The following HECTD4 variants were observed in gnomAD, a reference collection of about 807,000 sequenced individuals.
HECTD4 encodes HECT domain E3 ubiquitin protein ligase 4.
HECTD4 carries 114 observed loss-of-function variants against 471.5 expected under a neutral mutation model. That is an observed-to-expected ratio of 0.24 (90% CI 0.21 to 0.28). The LOEUF is 0.28. Among genes scored for constraint, HECTD4 ranks in the 10% least tolerant of loss-of-function variants. The pLI, the probability that HECTD4 is intolerant of heterozygous loss-of-function variation, is 1.00. For synonymous variants in HECTD4, 2,012 were observed against 2,256.0 expected, an observed-to-expected ratio of 0.89 and a Z score of 3.07; for missense variants, 3,866 against 5,651.5, an observed-to-expected ratio of 0.68 and a Z score of 10.13.
In HECTD4 at chr12:112,258,550, C is replaced by T. The variant is rs773710742; in HGVS notation, c.3074G>A (p.Gly1025Asp). The change falls in exon 20 of 76, where the codon GGC (glycine) becomes GAC (aspartate). Residue 1025 changes from glycine to aspartate, a missense_variant. Gly to Asp is a moderately conservative substitution (Grantham distance 94). Around this residue, in one of 16 missense-constraint regions of HECTD4, gnomAD observed 525 missense variants for 672.6 expected, o/e 0.78. Coordinates refer to ENST00000682272, the MANE Select transcript of HECTD4 (RefSeq NM_001388303.1). ...GTCTGGTGCACCACACGGGGAACAGCCCACCTCAGCAAAAACCGGACACTG... is the reference window on the plus strand; with the variant it reads ...GTCTGGTGCACCACACGGGGAACAGTCCACCTCAGCAAAAACCGGACACTG... ...KTQCPVFAEVGCSPCGAPDQK... is the reference protein window; with the variant it reads ...KTQCPVFAEVDCSPCGAPDQK... 3 of 1,605,782 alleles carry T rather than the reference C, an allele frequency of 1.9e-6. No homozygotes were observed. The highest frequency in any genetic ancestry group is 1.7e-5 in the Admixed American group (1 of 58,432).
chr12:112,364,399 T>C (rs2036518510), intron 1 of HECTD4, among the ~76,000 whole-genome samples: 1 of 143,228 alleles, frequency 7.0e-6, no homozygotes, highest in African/African-American at 2.6e-5. Flanking sequence ...AGAGCAAGAC[T>C]CTCTCTCTCA....
rs1374098746 is a variant in HECTD4 at position 112,190,962 on chromosome 12, A to G, written c.9296T>C (p.Val3099Ala). The G allele has an allele frequency of 6.4e-7, 1 of 1,552,626 alleles. No homozygotes were observed. Among genetic ancestry groups the G allele is most frequent in the Non-Finnish European group, 8.7e-7 (1 of 1,148,234 alleles). Residue 3099 changes from valine to alanine, a missense_variant, in exon 60 of 76, where the codon GTG becomes GCG. By Grantham distance (64) the Val-to-Ala change is moderately conservative (BLOSUM62 0). Coordinates refer to ENST00000682272, the MANE Select transcript of HECTD4 (RefSeq NM_001388303.1). ...STDRVHIKLG[V>A]SPPPGAVLVL... is the part of the protein sequence containing the mutation. ...CAGGACTGCTCCAGGAGGTGGAGAC[A>G]CCCCTGCAAGAAGCACCCAGGAAGA...
At chr12:112,216,232 T>C in intron 48 of HECTD4, 60 bp downstream of exon 48, 1 of 1,170,558 alleles carries the variant, frequency 8.5e-7, no homozygotes, top group Non-Finnish European at 1.2e-6. Context: ...TTAACCTGTT[T>C]AGACCCAAAC....
intron 66 of HECTD4, 70 bp from the exon 67 acceptor site, chr12:112,172,931 T>C: frequency 7.3e-7 from 1 of 1,364,282 alleles, no homozygotes; most frequent in Non-Finnish European, 1.0e-6. Flanking sequence ...TGCATTTCTC[T>C]TACAGAGCCC....
intron 28 of HECTD4, 33 bp downstream of exon 28, chr12:112,247,429 A>G: frequency 4.7e-6 from 5 of 1,066,948 alleles, no homozygotes; most frequent in Non-Finnish European, 6.8e-6. Context: ...CATCAAGGTG[A>G]TAATAGCCTT....
Position 112,298,366 on chromosome 12 carries a change from A to G in HECTD4, c.1335+7698T>C, listed in dbSNP as rs1482890668. Among the ~76,000 whole-genome samples the G allele has an allele frequency of 5.9e-5, 9 of 152,164 alleles. No individual in the cohort carries two copies. The East Asian group carries it at 1.5e-3, about 26-fold the overall frequency. The stretch of plus-strand genomic sequence containing the variant: ...TAGCCCCTTTTATTACACAGCAGGT[A>G]GTGAATACACACAGTGTTCTGAGCT... On this transcript the variant is annotated intron_variant, in intron 7 of 75. Coordinates refer to ENST00000682272, the MANE Select transcript of HECTD4 (RefSeq NM_001388303.1).
chr12:112,287,734 C>G (rs2034784680), intron 7 of HECTD4, among the ~76,000 whole-genome samples: 2 of 151,728 alleles, frequency 1.3e-5, no homozygotes, highest in African/African-American at 2.4e-5. Context: ...GAGTTAGAGA[C>G]CACAGTGAGA....
intron 60 of HECTD4, 62 bp downstream of exon 60, chr12:112,190,711 GCAAGCTCCTTCCT>G: frequency 7.1e-7 from 1 of 1,409,568 alleles, no homozygotes; most frequent in Non-Finnish European, 9.6e-7. Context: ...ACACCACCTG[GCAAGCTCCTTCCT>G]CAGGCACCAT....
At chr12:112,241,311 AC>A (rs1259057828) in intron 32 of HECTD4, among the ~76,000 whole-genome samples, 1 of 152,086 alleles carries the variant, frequency 6.6e-6, no homozygotes, top group Non-Finnish European at 1.5e-5. Context: ...CTTTCTGGGC[AC>A]CCTGTGGTTG....
At chr12:112,378,495 AT>A (rs1265282341) in intron 1 of HECTD4, among the ~76,000 whole-genome samples, 2 of 151,780 alleles carry the variant, frequency 1.3e-5, no homozygotes, top group Non-Finnish European at 2.9e-5. Flanking sequence ...AATTGCTGGG[AT>A]TACAGGCATG....
rs890096456 is a variant in HECTD4 at position 112,250,194 on chromosome 12, C to T, written c.3900G>A (p.Lys1300=). ...TAGCACGCCCAGAAATTTCCCTGAG[C>T]TTTATCATGATTCCTGGAGGCAGTC... The part of the protein sequence containing the change: ...RIRLPPGIMI[K]LREISGRARP... The change falls in exon 25 of 76, where the codon AAG becomes AAA. Residue 1300 remains lysine, a synonymous_variant. Coordinates refer to ENST00000682272, the MANE Select transcript of HECTD4 (RefSeq NM_001388303.1). 1 of 1,613,956 alleles carries T rather than the reference C, an allele frequency of 6.2e-7. No homozygotes were observed. Among genetic ancestry groups the T allele is most frequent in the Non-Finnish European group, 8.5e-7 (1 of 1,179,864 alleles).
rs1183338513 is a variant in HECTD4 at position 112,195,023 on chromosome 12, G to A, written c.8611C>T (p.Arg2871Cys). ...CEAALARLYC[R>C]MALLNIFAPK... is the part of the protein sequence containing the mutation. ...GCGAAGATATTGAGCAGGGCCATGC[G>A]GCAGTACAGCCTGGCCAGCGCAGCC... Residue 2871 changes from arginine to cysteine, a missense_variant, in exon 56 of 76, where the codon CGC (arginine) becomes TGC (cysteine). Around this residue, in one of 16 missense-constraint regions of HECTD4, gnomAD observed 266 missense variants for 441.6 expected, o/e 0.60. Transcript: ENST00000682272. 3 of 1,609,640 alleles carry A rather than the reference G, an allele frequency of 1.9e-6. No individual in the cohort carries two copies. The highest frequency in any genetic ancestry group is 2.5e-6 in the Non-Finnish European group (3 of 1,178,162).
chr12:112,321,651 CTTG>C (rs1438375610), intron 1 of HECTD4: 1 of 152,148 alleles, frequency 6.6e-6, no homozygotes, highest in African/African-American at 2.4e-5. Context: ...CCTTTAGAAA[CTTG>C]TTATTAATAT....
chr12:112,314,570 T>G, intron 2 of HECTD4, 24 bp from the exon 3 acceptor site: 1 of 1,256,250 alleles, frequency 8.0e-7, no homozygotes, highest in Non-Finnish European at 1.1e-6. Flanking sequence ...GAAGGAACAG[T>G]AAATCATCAA....
Position 112,319,759 on chromosome 12 carries a change from T to C in HECTD4, c.178-17A>G. ...GGTTAAAATCTAAGGAAAAAGACGATGGAGAAGTGGGTAAATATTACTTTC... is the reference window on the plus strand; with the variant it reads ...GGTTAAAATCTAAGGAAAAAGACGACGGAGAAGTGGGTAAATATTACTTTC... On this transcript the variant is annotated splice_polypyrimidine_tract_variant and intron_variant, in intron 1 of 75. Coordinates refer to ENST00000682272, the MANE Select transcript of HECTD4 (RefSeq NM_001388303.1). The surrounding 1 kb of genome is among the most constrained non-coding windows in gnomAD (Gnocchi z 5.3). The C allele has an allele frequency of 4.8e-6, 6 of 1,245,104 alleles. No individual in the cohort carries two copies. The highest frequency in any genetic ancestry group is 6.0e-6 in the Non-Finnish European group (6 of 994,840). 77.1% of individuals were successfully genotyped at this position (1,245,104 alleles called of 1,614,324 possible). A position where few individuals can be genotyped will look rare whatever the true frequency, so the allele number is the denominator to read the frequency against.
chr12:112,335,143 TACAC>T (rs144839031), intron 1 of HECTD4, among the ~76,000 whole-genome samples: 22 of 146,880 alleles, frequency 1.5e-4, no homozygotes, highest in Admixed American at 4.1e-4. Flanking sequence ...GAAACTGTGA[TACAC>T]ACACACACAC....
intron 1 of HECTD4, among the ~76,000 whole-genome samples, chr12:112,340,892 A>T (rs1225908333): frequency 6.6e-6 from 1 of 152,146 alleles, no homozygotes; most frequent in Non-Finnish European, 1.5e-5. Flanking sequence ...AAGGGTGGGG[A>T]TTTACATTAA....
intron 7 of HECTD4, among the ~76,000 whole-genome samples, chr12:112,294,429 G>C (rs1033184370): frequency 4.6e-5 from 7 of 152,172 alleles, no homozygotes; most frequent in African/African-American, 7.2e-5. Flanking sequence ...ATCATAGGAG[G>C]TCTATGGCTA....
rs985129490 is a variant in HECTD4 at position 112,193,683 on chromosome 12, G to A, written c.8750-9C>T. 6.2e-6 allele frequency: 10 copies of A among 1,606,534 alleles called. No individual in the cohort carries two copies. The highest frequency in any genetic ancestry group is 3.4e-5 in the South Asian group (3 of 89,500). On this transcript the variant is annotated splice_polypyrimidine_tract_variant and intron_variant, in intron 56 of 75. Coordinates refer to ENST00000682272, the MANE Select transcript of HECTD4 (RefSeq NM_001388303.1). The surrounding 1 kb of genome is among the most constrained non-coding windows in gnomAD (Gnocchi z 5.2). ...GGAGCTGATGGTGCCGTCTGGGGAC[G>A]GAAAGGAAACAGAAGTTGACAAGAA... is the stretch of plus-strand genomic sequence containing the variant.
Sources: allele counts gnomAD v4.1 joint callset (sites outside exome capture counted in the v4.1 genomes callset), GRCh38; gene constraint gnomAD v4.1.1; regional missense constraint gnomAD v4.1.1; non-coding constraint Gnocchi (gnomAD v3.1); transcripts MANE v1.5; gene names NCBI Gene and HGNC (gene_info 2026-07-23, HGNC 2026-07-21).